The following CADM2 variants were observed in gnomAD, a reference collection of about 807,000 sequenced individuals.
CADM2 encodes the protein cell adhesion molecule 2.
A neutral mutation model predicts 49.8 loss-of-function variants in CADM2; 12 were observed. The ratio of observed to expected loss-of-function variants is 0.24; its 90% CI spans 0.15 to 0.39. The LOEUF is 0.39. Among genes scored for constraint, CADM2 ranks in the 10% least tolerant of loss-of-function variants. CADM2 has a pLI of 1.00. For synonymous variants in CADM2, 214 were observed against 175.4 expected (o/e 1.22, Z -1.74); for missense variants, 378 against 492.3 (o/e 0.77, Z 2.20).
At chr3:85,930,212 T>A (rs1178343987) in intron 6 of CADM2, among the ~76,000 whole-genome samples, 1 of 152,152 alleles carries the variant, frequency 6.6e-6, no homozygotes, top group Admixed American at 6.5e-5. Flanking sequence ...GAAATTGGTA[T>A]TTTTAACAAC....
At chr3:85,579,336 C>T (rs1480030263) in intron 1 of CADM2, among the ~76,000 whole-genome samples, 1 of 152,108 alleles carries the variant, frequency 6.6e-6, no homozygotes, top group Non-Finnish European at 1.5e-5. Flanking sequence ...CTTTATTCCT[C>T]ATCCTTAGTT....
chr3:85,430,766 T>C (rs1416550136), intron 1 of CADM2, among the ~76,000 whole-genome samples: 1 of 152,048 alleles, frequency 6.6e-6, no homozygotes, highest in Non-Finnish European at 1.5e-5. Flanking sequence ...TTAGGATATA[T>C]ACTTGTTGTT....
chr3:85,311,809 A>G (rs1343925727), intron 1 of CADM2, among the ~76,000 whole-genome samples: 2 of 152,218 alleles, frequency 1.3e-5, no homozygotes, highest in Non-Finnish European at 2.9e-5. Flanking sequence ...ATAATAGTCT[A>G]TAGATTTGAC....
chr3:84,997,491 A>AT (rs1348022787), intron 1 of CADM2, among the ~76,000 whole-genome samples: 29 of 152,026 alleles, frequency 1.9e-4, no homozygotes, highest in African/African-American at 7.0e-4. Flanking sequence ...TATTTTTCTG[A>AT]TTTTTTTGTG....
At chr3:85,650,095 T>G (rs1267282582) in intron 1 of CADM2, among the ~76,000 whole-genome samples, 2 of 152,190 alleles carry the variant, frequency 1.3e-5, no homozygotes, top group Non-Finnish European at 2.9e-5. Context: ...GCTACATATT[T>G]TATCTCCAAA....
intron 1 of CADM2, among the ~76,000 whole-genome samples, chr3:85,628,158 G>A (rs982945937): frequency 1.3e-5 from 2 of 152,036 alleles, no homozygotes; most frequent in African/African-American, 4.8e-5. Flanking sequence ...GTGGATCCCT[G>A]CCAGGGAATA....
chr3:85,743,456 CATA>C (rs1012229909), intron 2 of CADM2, among the ~76,000 whole-genome samples: 2 of 152,146 alleles, frequency 1.3e-5, no homozygotes, highest in African/African-American at 2.4e-5. Flanking sequence ...CGCTTTAAAG[CATA>C]ATGTTTACCT....
intron 2 of CADM2, among the ~76,000 whole-genome samples, chr3:85,781,851 A>G (rs1208686010): frequency 6.6e-6 from 1 of 152,244 alleles, no homozygotes; most frequent in African/African-American, 2.4e-5. Flanking sequence ...CAATTAGAAT[A>G]CAAGAAAGAA....
intron 1 of CADM2, among the ~76,000 whole-genome samples, chr3:85,128,660 C>T (rs2039117576): frequency 1.3e-5 from 2 of 152,140 alleles, no homozygotes; most frequent in Admixed American, 1.3e-4. Context: ...TTGAACTCAT[C>T]TTCCAACTTT....
At chr3:85,119,117 A>G (rs1433695551) in intron 1 of CADM2, among the ~76,000 whole-genome samples, 2 of 152,126 alleles carry the variant, frequency 1.3e-5, no homozygotes, top group African/African-American at 2.4e-5. Flanking sequence ...TGTTCTAGTT[A>G]AGAATGTTCT....
intron 6 of CADM2, among the ~76,000 whole-genome samples, chr3:85,924,176 TTC>T (rs1422399458): frequency 1.3e-5 from 2 of 152,170 alleles, no homozygotes; most frequent in African/African-American, 2.4e-5. Flanking sequence ...ATTAAATTGT[TTC>T]TTTTTTTTTG....
In CADM2 at chr3:85,484,654, C is replaced by T. The variant is rs972457192; in HGVS notation, c.62-241868C>T. Among the ~76,000 whole-genome samples the T allele has an allele frequency of 5.9e-5, 9 of 151,980 alleles. No individual in the cohort carries two copies. The South Asian group carries it at 1.0e-3, about 17-fold the overall frequency. On this transcript the variant is annotated intron_variant, in intron 1 of 9. Transcript: ENST00000383699. ...TTTCTCACAGCAAAGCCTTTAAAAC[C>T]GTATTCCTGCTTTCTTACCGTCACA...
chr3:85,644,286 G>C (rs4305433), intron 1 of CADM2, among the ~76,000 whole-genome samples: 107,351 of 151,914 alleles, frequency 0.71, 37,997 homozygotes, highest in East Asian at 0.8. Flanking sequence ...GGCATCCATT[G>C]CTCTTCTTAG....
chr3:85,092,640 C>T (rs897403702), intron 1 of CADM2, among the ~76,000 whole-genome samples: 1 of 152,162 alleles, frequency 6.6e-6, no homozygotes, highest in Non-Finnish European at 1.5e-5. Context: ...GCATTTTAAT[C>T]TTGTGGCTCA....
intron 8 of CADM2, among the ~76,000 whole-genome samples, chr3:86,035,144 T>C (rs1734998982): frequency 6.6e-6 from 1 of 152,096 alleles, no homozygotes; most frequent in South Asian, 2.1e-4. Context: ...ACATGGCTTC[T>C]GTCCATTTTC....
At chr3:85,596,913 C>T (rs1019825288) in intron 1 of CADM2, among the ~76,000 whole-genome samples, 4 of 151,998 alleles carry the variant, frequency 2.6e-5, no homozygotes, top group African/African-American at 4.8e-5. Flanking sequence ...GACAGGCTTT[C>T]GCCATGTTGG....
chr3:84,999,732 T>C (rs1299157183), intron 1 of CADM2, among the ~76,000 whole-genome samples: 12 of 152,298 alleles, frequency 7.9e-5, no homozygotes, highest in Non-Finnish European at 1.3e-4. Context: ...ATGAAAGCAC[T>C]GCAAGTATTG....
At chr3:85,786,807 C>T (rs2071017120) in intron 2 of CADM2, among the ~76,000 whole-genome samples, 1 of 151,918 alleles carries the variant, frequency 6.6e-6, no homozygotes, top group Non-Finnish European at 1.5e-5. Flanking sequence ...ATTCATATAT[C>T]AATGGTTACC....
chr3:84,987,164 G>A (rs1242010057), intron 1 of CADM2, among the ~76,000 whole-genome samples: 4 of 151,898 alleles, frequency 2.6e-5, no homozygotes, highest in African/African-American at 9.7e-5. Flanking sequence ...GTGGCTATGA[G>A]TATGTGTATG....
Sources: gnomAD v4.1 joint callset for allele counts (sites outside exome capture counted in the v4.1 genomes callset) on GRCh38, gnomAD v4.1.1 for gene constraint, MANE v1.5 for transcripts, NCBI Gene and HGNC (gene_info 2026-07-23, HGNC 2026-07-21) for gene names.